Variants in PLXND1 observed in about 807,000 individuals in gnomAD.
PLXND1 encodes plexin D1, also known as plexin-D1.
A neutral mutation model predicts 197.7 loss-of-function variants in PLXND1; 54 were observed. The observed-to-expected ratio is 0.27, with a 90% confidence interval of 0.22 to 0.34. The LOEUF (loss-of-function observed/expected upper bound fraction) is 0.34, where lower values mean the gene tolerates loss of function less well. Ranked by LOEUF, PLXND1 falls within the 10% of genes least tolerant of loss-of-function variation. PLXND1 has a pLI of 1.00. For missense variants in PLXND1, 2,127 were observed against 2,699.2 expected, an observed-to-expected ratio of 0.79 and a Z score of 4.70; for synonymous variants, 1,180 against 1,161.2, an observed-to-expected ratio of 1.02 and a Z score of -0.33.
intron 19 of PLXND1, 105 bp downstream of exon 19, chr3:129,570,681 G>A (rs1183973870): frequency 1.1e-5 from 13 of 1,144,256 alleles, no homozygotes; most frequent in East Asian, 2.4e-5. Context: ...GCTGTTGAGC[G>A]TGAAAACGCT....
rs1377440617 is a variant in PLXND1 at position 129,605,586 on chromosome 3, C to T, written c.1054G>A (p.Gly352Ser). The T allele has an allele frequency of 2.0e-6, 3 of 1,533,892 alleles. No individual in the cohort carries two copies. Among genetic ancestry groups the T allele is most frequent in the Non-Finnish European group, 1.7e-6 (2 of 1,144,534 alleles). The change falls in exon 1 of 36, where the codon GGC (glycine) becomes AGC (serine). Residue 352 changes from glycine to serine, a missense_variant. By Grantham distance (56) the Gly-to-Ser change is moderately conservative. Coordinates refer to ENST00000324093, the MANE Select transcript of PLXND1 (RefSeq NM_015103.3). ...GLQCAGGAGR[G>S]DLYSRLVSVF... The stretch of plus-strand genomic sequence containing the variant: ...GACACCAGGCGGCTGTAGAGGTCGC[C>T]GCGGCCCGCGCCGCCCGCGCACTGC...
At chr3:129,569,807 T>C in intron 20 of PLXND1, 36 bp downstream of exon 20, 3 of 1,226,802 alleles carry the variant, frequency 2.4e-6, no homozygotes, top group Non-Finnish European at 3.6e-6. Flanking sequence ...GTGGCAAGCC[T>C]GCCCTCCAAG....
Position 129,569,892 on chromosome 3 carries a change from G to A in PLXND1, c.3816C>T (p.Ile1272=). 6.2e-7 allele frequency: 1 copy of A among 1,613,340 alleles called. No individual in the cohort carries two copies. Among genetic ancestry groups the A allele is most frequent in the Non-Finnish European group, 8.5e-7 (1 of 1,179,368 alleles). The change falls in exon 20 of 36, where the codon ATC becomes ATT. Residue 1272 remains isoleucine (I), a synonymous_variant. Coordinates refer to ENST00000324093, the MANE Select transcript of PLXND1 (RefSeq NM_015103.3). ...CGCTGCAGATGACGATGGACACGAT[G>A]ATGGCCGTCTCGCTGCCCCCCAGCT... ...TLQLGGSETA[I]IVSIVICSVL...
At chr3:129,604,664 C>G (rs999489949) in intron 1 of PLXND1, among the ~76,000 whole-genome samples, 2 of 152,240 alleles carry the variant, frequency 1.3e-5, no homozygotes, top group Admixed American at 6.5e-5. Flanking sequence ...CACCTGTTTG[C>G]CAACCATGCA....
In PLXND1 at chr3:129,606,531, G is replaced by C; in HGVS notation, c.109C>G (p.Leu37Val). The C allele has an allele frequency of 7.4e-7, 1 of 1,347,502 alleles. No homozygotes were observed. Among genetic ancestry groups the C allele is most frequent in the Non-Finnish European group, 9.5e-7 (1 of 1,052,362 alleles). The allele number at this position is 1,347,502 out of a possible 1,614,324, so 83.5% of individuals were successfully genotyped here. ...PRCPVPLLLL[L>V]LLGAARAGAL... ...CCGGCCCGCGCCGCCCCCAGGAGCA[G>C]CAGCAACAGCAGCGGCACCGGGCAC... Residue 37 changes from leucine to valine, a missense_variant, in exon 1 of 36, where the codon CTG (leucine) becomes GTG (valine). Coordinates refer to ENST00000324093, the MANE Select transcript of PLXND1 (RefSeq NM_015103.3).
chr3:129,604,292 G>A (rs1165574549), intron 1 of PLXND1, among the ~76,000 whole-genome samples: 3 of 152,080 alleles, frequency 2.0e-5, no homozygotes, highest in Admixed American at 6.5e-5. Context: ...CCAGCTGCCT[G>A]GGACGCCCCC....
At chr3:129,572,994 T>A in intron 13 of PLXND1, 53 bp from the exon 14 acceptor site, 1 of 1,312,750 alleles carries the variant, frequency 7.6e-7, no homozygotes, top group Non-Finnish European at 1.1e-6. Flanking sequence ...ACGGCCACCC[T>A]AGAGCCAGGC....
intron 1 of PLXND1, among the ~76,000 whole-genome samples, chr3:129,596,697 TG>T (rs1486695072): frequency 2.6e-5 from 4 of 152,156 alleles, no homozygotes; most frequent in Admixed American, 6.5e-5. Context: ...CTCCTGGGGC[TG>T]GGGGGACTTG....
Position 129,606,609 on chromosome 3 carries a change from G to C in PLXND1, c.31C>G (p.Leu11Val). 1 of 1,180,166 alleles carries C rather than the reference G, an allele frequency of 8.5e-7. No homozygotes were observed. The highest frequency in any genetic ancestry group is 1.0e-6 in the Non-Finnish European group (1 of 955,252). The allele number at this position is 1,180,166 out of a possible 1,614,324, so 73.1% of individuals were successfully genotyped here. A position where few individuals can be genotyped will look rare whatever the true frequency, so the allele number is the denominator to read the frequency against. Reference protein sequence around the residue: MAPRAAGGAPLSARAAAASPP... With the variant: MAPRAAGGAPVSARAAAASPP... ...CTGGCGGCGGCGGCCCGGGCGCTAAGGGGTGCGCCGCCCGCGGCGCGAGGA... is the reference window on the plus strand; with the variant it reads ...CTGGCGGCGGCGGCCCGGGCGCTAACGGGTGCGCCGCCCGCGGCGCGAGGA... The change falls in exon 1 of 36, where the codon CTT becomes GTT. Residue 11 changes from leucine to valine, a missense_variant. This residue lies in a region of PLXND1 where 245 missense variants were observed against 267.1 expected (regional missense o/e 0.92). Coordinates refer to ENST00000324093, the MANE Select transcript of PLXND1 (RefSeq NM_015103.3).
At chr3:129,556,556 G>A (rs1027484136) in intron 35 of PLXND1, 61 bp downstream of exon 35, 9 of 1,373,602 alleles carry the variant, frequency 6.6e-6, no homozygotes, top group Non-Finnish European at 9.4e-6. Flanking sequence ...CCTGAGATGT[G>A]TGTCCTTGAG....
chr3:129,578,067 C>A (rs2108782633), intron 9 of PLXND1, among the ~76,000 whole-genome samples: 1 of 152,312 alleles, frequency 6.6e-6, no homozygotes, highest in South Asian at 2.1e-4. Context: ...ACTGGCTTTC[C>A]CTTGGCAGCT....
At chr3:129,561,543 G>T in intron 29 of PLXND1, 103 bp downstream of exon 29, 1 of 884,312 alleles carries the variant, frequency 1.1e-6, no homozygotes. Context: ...CTCAGCCCAG[G>T]CCAGCCCTGC....
In PLXND1 at chr3:129,566,596, G is replaced by C. The variant is rs1467471181; in HGVS notation, c.4122C>G (p.Pro1374=). The change falls in exon 23 of 36, where the codon CCC becomes CCG. Residue 1374 remains proline (P), a synonymous_variant. Coordinates refer to ENST00000324093, the MANE Select transcript of PLXND1 (RefSeq NM_015103.3). ...TGCCCTGGGAGTTGAGGGTCTGGGA[G>C]GGCAGCACGTAACGCTCTTCATAAA... The part of the protein sequence containing the change: ...SSLYEERYVL[P]SQTLNSQGSS... 1 of 1,612,810 alleles carries C rather than the reference G, an allele frequency of 6.2e-7. No individual in the cohort carries two copies. The highest frequency in any genetic ancestry group is 8.5e-7 in the Non-Finnish European group (1 of 1,179,106).
chr3:129,597,533 G>A (rs140234162), intron 1 of PLXND1, among the ~76,000 whole-genome samples: 10 of 152,198 alleles, frequency 6.6e-5, no homozygotes, highest in Non-Finnish European at 8.8e-5. Context: ...CATGATTAAC[G>A]CCCCACTGGG....
intron 1 of PLXND1, among the ~76,000 whole-genome samples, chr3:129,600,041 A>AGCTCG (rs1175254715): frequency 6.6e-6 from 1 of 152,230 alleles, no homozygotes; most frequent in Non-Finnish European, 1.5e-5. Flanking sequence ...GCAGAGCGCG[A>AGCTCG]GCTCGGCGAC....
At chr3:129,560,480 C>G (rs368803328) in intron 30 of PLXND1, 46 bp from the exon 31 acceptor site, 3 of 1,361,196 alleles carry the variant, frequency 2.2e-6, no homozygotes, top group African/African-American at 2.9e-5. Context: ...GCCCCATCCT[C>G]GGCCGCCTGT....
At position 129,606,295 on chromosome 3, in the gene PLXND1, C is replaced by T; in HGVS notation, c.345G>A (p.Glu115=). 3 of 1,529,732 alleles carry T rather than the reference C, an allele frequency of 2.0e-6. No homozygotes were observed. Among genetic ancestry groups the T allele is most frequent in the Non-Finnish European group, 1.7e-6 (2 of 1,144,206 alleles). The allele number at this position is 1,529,732 out of a possible 1,614,324, so 94.8% of individuals were successfully genotyped here. A position where few individuals can be genotyped will look rare whatever the true frequency, so the allele number is the denominator to read the frequency against. The change falls in exon 1 of 36, where the codon GAG becomes GAA. Residue 115 remains glutamate, a synonymous_variant. Transcript: ENST00000324093. ...HAPQLPQASC[E]HPRRLTDNYN... Reference sequence around the variant, plus strand: ...AGTTGTCCGTGAGGCGCCGCGGGTGCTCGCACGAGGCCTGCGGCAGCTGCG... The same window carrying T: ...AGTTGTCCGTGAGGCGCCGCGGGTGTTCGCACGAGGCCTGCGGCAGCTGCG...
At chr3:129,578,262 G>GT (rs2085340839) in intron 9 of PLXND1, 67 bp downstream of exon 9, 1 of 954,726 alleles carries the variant, frequency 1.0e-6, no homozygotes, top group East Asian at 2.5e-5. Context: ...CATGGGGGCA[G>GT]TTAGTGGCCT....
rs964832006 is a variant in PLXND1 at position 129,557,500 on chromosome 3, A to T, written c.5446-277T>A. 1.1e-4 allele frequency among the ~76,000 whole-genome samples: 17 copies of T among 152,036 alleles called. No homozygotes were observed. Among genetic ancestry groups the T allele is most frequent in the Non-Finnish European group, 2.4e-4 (16 of 68,024 alleles). Reference sequence around the variant, plus strand: ...CCTACTTCTTTCAGGGGAAAAGTGCACGGGCATGCCAGCTCTTCACTGCAC... The same window carrying T: ...CCTACTTCTTTCAGGGGAAAAGTGCTCGGGCATGCCAGCTCTTCACTGCAC... On this transcript the variant is annotated intron_variant, in intron 33 of 35. Coordinates refer to ENST00000324093, the MANE Select transcript of PLXND1 (RefSeq NM_015103.3). This position sits in a 1 kb window ranked among gnomAD's most constrained non-coding sequence, Gnocchi z 4.8.
Sources: allele counts gnomAD v4.1 joint callset (sites outside exome capture counted in the v4.1 genomes callset), GRCh38; gene constraint gnomAD v4.1.1; regional missense constraint gnomAD v4.1.1; non-coding constraint Gnocchi (gnomAD v3.1); transcripts MANE v1.5; gene names NCBI Gene and HGNC (gene_info 2026-07-23, HGNC 2026-07-21).